FSTL4: variants seen among roughly 807,000 people sequenced by gnomAD.
The protein encoded by FSTL4 is follistatin like 4.
FSTL4 carries 28 observed loss-of-function variants against 78.2 expected under a neutral mutation model. The observed-to-expected ratio is 0.36, with a 90% CI of 0.27 to 0.49. The LOEUF (loss-of-function observed/expected upper bound fraction) is 0.49. FSTL4 is among the 20% of genes least tolerant of loss of function. The pLI is 0.98. For missense variants in FSTL4, 922 were observed against 1,084.9 expected, an observed-to-expected ratio of 0.85 and a Z score of 2.11; for synonymous variants, 422 against 440.5, an observed-to-expected ratio of 0.96 and a Z score of 0.53.
chr5:133,810,206 A>T, the FSTL4 span, among the ~76,000 whole-genome samples: 1 of 152,198 alleles, frequency 6.6e-6, no homozygotes, highest in Non-Finnish European at 1.5e-5. Context: ...TGGAGCCACC[A>T]CTAACTACTA....
At chr5:133,824,587 G>A in the FSTL4 span, among the ~76,000 whole-genome samples, 1 of 152,142 alleles carries the variant, frequency 6.6e-6, no homozygotes, top group Admixed American at 6.5e-5. Context: ...TTAAACAAGA[G>A]GTGATGCATG....
At chr5:133,674,144 C>T in the FSTL4 span, among the ~76,000 whole-genome samples, 2 of 152,174 alleles carry the variant, frequency 1.3e-5, no homozygotes. Flanking sequence ...ACAACCCTTC[C>T]TCCACCAGCG....
At chr5:133,724,619 A>G in the FSTL4 span, among the ~76,000 whole-genome samples, 4 of 152,310 alleles carry the variant, frequency 2.6e-5, no homozygotes, top group Non-Finnish European at 5.9e-5. Flanking sequence ...CATTCTAAAT[A>G]CAAAATCTTT....
chr5:133,796,427 C>A, the FSTL4 span, among the ~76,000 whole-genome samples: 1 of 152,142 alleles, frequency 6.6e-6, no homozygotes, highest in South Asian at 2.1e-4. Flanking sequence ...GGTCCAGCAT[C>A]CCAGAAAAAT....
At chr5:133,762,011 T>C in the FSTL4 span, among the ~76,000 whole-genome samples, 27 of 152,220 alleles carry the variant, frequency 1.8e-4, no homozygotes, top group African/African-American at 6.3e-4. Context: ...TGGCTTCCCC[T>C]GACACACAGG....
intron 3 of FSTL4, among the ~76,000 whole-genome samples, chr5:133,557,961 C>A (rs916559140): frequency 6.6e-6 from 1 of 152,210 alleles, no homozygotes; most frequent in Admixed American, 6.5e-5. Flanking sequence ...TGAAACTTCA[C>A]CTCCACCAGA....
chr5:133,306,051 TGACG>T (rs1753647739), intron 6 of FSTL4, among the ~76,000 whole-genome samples: 1 of 152,242 alleles, frequency 6.6e-6, no homozygotes, highest in Non-Finnish European at 1.5e-5. Context: ...TATTTGTGGC[TGACG>T]GTTTTGCTCC....
intron 3 of FSTL4, among the ~76,000 whole-genome samples, chr5:133,446,300 C>T (rs1019929730): frequency 6.6e-6 from 1 of 152,172 alleles, no homozygotes; most frequent in East Asian, 1.9e-4. Flanking sequence ...ATTAGCCGGG[C>T]GTGCTGGCAG....
At chr5:133,331,241 T>G (rs1361669656) in intron 4 of FSTL4, among the ~76,000 whole-genome samples, 1 of 152,184 alleles carries the variant, frequency 6.6e-6, no homozygotes, top group East Asian at 1.9e-4. Flanking sequence ...AAATAACAGG[T>G]GGGGAGACTG....
chr5:133,197,845 A>C lies in FSTL4; in HGVS notation c.*1250T>G, dbSNP rs1750189894. 1.3e-5 allele frequency: 2 copies of C among 152,254 alleles called. No homozygotes were observed. The highest frequency in any genetic ancestry group is 2.9e-5 in the Non-Finnish European group (2 of 68,080). 9.4% of individuals were successfully genotyped at this position (152,254 alleles called of 1,614,324 possible). ...GGGCTATGTGGGTTGTACTTCTTCGATGCCCATGTGAGAGTCACCACAGCC... is the reference window on the plus strand; with the variant it reads ...GGGCTATGTGGGTTGTACTTCTTCGCTGCCCATGTGAGAGTCACCACAGCC... On this transcript the variant is annotated 3_prime_UTR_variant, in exon 16 of 16. Coordinates refer to ENST00000265342, the MANE Select transcript of FSTL4 (RefSeq NM_015082.2).
the FSTL4 span, among the ~76,000 whole-genome samples, chr5:133,695,058 C>A: frequency 6.6e-6 from 1 of 152,132 alleles, no homozygotes; most frequent in African/African-American, 2.4e-5. Flanking sequence ...CTAGGATCCT[C>A]AGGTCCCTCC....
chr5:133,693,851 G>A, the FSTL4 span, among the ~76,000 whole-genome samples: 1 of 152,150 alleles, frequency 6.6e-6, no homozygotes, highest in South Asian at 2.1e-4. Flanking sequence ...CAAGGTAGTG[G>A]GGGGTTGCTA....
chr5:133,742,337 A>T, the FSTL4 span, among the ~76,000 whole-genome samples: 1 of 152,236 alleles, frequency 6.6e-6, no homozygotes, highest in Non-Finnish European at 1.5e-5. Context: ...TGATGGCATC[A>T]TTGACACTGG....
chr5:133,465,431 T>C (rs1291863084), intron 3 of FSTL4, among the ~76,000 whole-genome samples: 6 of 152,176 alleles, frequency 3.9e-5, no homozygotes, highest in African/African-American at 1.4e-4. Flanking sequence ...TCCCCCCAAA[T>C]AGAGAATAAG....
chr5:133,258,097 T>C (rs887593558), intron 6 of FSTL4, among the ~76,000 whole-genome samples: 9 of 152,168 alleles, frequency 5.9e-5, no homozygotes, highest in African/African-American at 2.2e-4. Context: ...CCAGCTCATC[T>C]TCCAATTCCT....
intron 7 of FSTL4, among the ~76,000 whole-genome samples, chr5:133,239,983 G>A (rs994758470): frequency 6.6e-5 from 10 of 152,248 alleles, no homozygotes; most frequent in African/African-American, 1.9e-4. Context: ...TCCGGAGTCA[G>A]AAGTGGCAAC....
intron 8 of FSTL4, among the ~76,000 whole-genome samples, chr5:133,229,305 C>G (rs1428788152): frequency 6.6e-6 from 1 of 152,012 alleles, no homozygotes; most frequent in African/African-American, 2.4e-5. Flanking sequence ...GCGGATCGCT[C>G]GAGTCCAGGA....
chr5:133,235,201 C>T (rs1751619172), intron 7 of FSTL4, among the ~76,000 whole-genome samples: 2 of 152,122 alleles, frequency 1.3e-5, no homozygotes, highest in East Asian at 1.9e-4. Flanking sequence ...CTTTCTGAGC[C>T]GGGCATGGTA....
At chr5:133,840,235 T>C in the FSTL4 span, among the ~76,000 whole-genome samples, 5 of 152,254 alleles carry the variant, frequency 3.3e-5, no homozygotes, top group African/African-American at 2.4e-5. Context: ...AGTGTTGTAA[T>C]AGCCTCTCTG....
Sources: allele counts gnomAD v4.1 joint callset (sites outside exome capture counted in the v4.1 genomes callset), GRCh38; gene constraint gnomAD v4.1.1; transcripts MANE v1.5; gene names NCBI Gene and HGNC (gene_info 2026-07-23, HGNC 2026-07-21).